The following MCTP1 variants were observed in gnomAD, a reference collection of about 807,000 sequenced individuals.
MCTP1 encodes multiple C2 and transmembrane domain-containing protein 1.
In MCTP1, 69 loss-of-function variants were observed where a neutral mutation model predicts 120.6. That is an observed-to-expected ratio of 0.57 (90% CI 0.47 to 0.70). The LOEUF (loss-of-function observed/expected upper bound fraction) is 0.70, where lower values mean the gene tolerates loss of function less well. MCTP1 is among the 30% of genes least tolerant of loss of function. The pLI, the probability that MCTP1 is intolerant of heterozygous loss-of-function variation, is 0.00. For synonymous variants in MCTP1, 529 were observed against 493.1 expected, an observed-to-expected ratio of 1.07 and a Z score of -0.96; for missense variants, 1,203 against 1,248.8, an observed-to-expected ratio of 0.96 and a Z score of 0.55.
chr5:94,861,651 A>G (rs1320226580), intron 17 of MCTP1, among the ~76,000 whole-genome samples: 5 of 151,822 alleles, frequency 3.3e-5, no homozygotes, highest in Non-Finnish European at 7.4e-5. Flanking sequence ...ATGGCTTGCC[A>G]ATTTGCTCAG....
chr5:94,920,758 TAAATAAATA>T lies in MCTP1; in HGVS notation c.1273-2794_1273-2786del, dbSNP rs747462036. 1.8e-3 allele frequency among the ~76,000 whole-genome samples: 262 copies of T among 149,324 alleles called. 3 individuals are homozygous for T. The highest frequency in any genetic ancestry group is 0.012 in the South Asian group (59 of 4,764). Reference sequence around the variant, plus strand: ...TTCCGTCTCAAAATAAATAAATAAATAAATAAATAAATAAATAAATAAATAAATAATAAA... The same window carrying T: ...TTCCGTCTCAAAATAAATAAATAAATAATAAATAAATAAATAAATAATAAA... On this transcript the variant is annotated intron_variant, in intron 7 of 22. Transcript: ENST00000515393.
intron 2 of MCTP1, among the ~76,000 whole-genome samples, chr5:94,970,922 A>T (rs1390948592): frequency 6.6e-6 from 1 of 151,924 alleles, no homozygotes; most frequent in Non-Finnish European, 1.5e-5. Flanking sequence ...AACTTTTAAA[A>T]ATTCATCAAT....
intron 7 of MCTP1, among the ~76,000 whole-genome samples, chr5:94,919,679 C>T (rs909030360): frequency 3.3e-5 from 5 of 152,094 alleles, no homozygotes; most frequent in African/African-American, 9.7e-5. Flanking sequence ...ATAATGACAG[C>T]CTAGAATGAC....
intron 1 of MCTP1, among the ~76,000 whole-genome samples, chr5:95,170,092 G>A (rs1747038768): frequency 6.6e-6 from 1 of 152,174 alleles, no homozygotes; most frequent in Non-Finnish European, 1.5e-5. Flanking sequence ...ATGTGTCCCA[G>A]AGATTCTGGT....
intron 1 of MCTP1, among the ~76,000 whole-genome samples, chr5:95,035,676 T>A (rs909194203): frequency 1.3e-5 from 2 of 152,232 alleles, no homozygotes; most frequent in Admixed American, 1.3e-4. Context: ...TATTATACAA[T>A]ACAATCATGT....
chr5:94,844,760 C>T (rs192497131), intron 17 of MCTP1, among the ~76,000 whole-genome samples: 26 of 152,322 alleles, frequency 1.7e-4, no homozygotes, highest in African/African-American at 6.0e-4. Context: ...TAGATCTTCA[C>T]TATTTCTTTC....
At chr5:94,871,462 AAAC>A (rs770512882) in intron 13 of MCTP1, 45 bp from the exon 14 acceptor site, 52 of 1,324,624 alleles carry the variant, frequency 3.9e-5, no homozygotes, top group South Asian at 3.5e-4. Context: ...CATCAGTAGG[AAAC>A]AACAACAAGA....
intron 19 of MCTP1, among the ~76,000 whole-genome samples, chr5:94,746,201 G>A (rs1270107114): frequency 6.6e-6 from 1 of 152,188 alleles, no homozygotes; most frequent in East Asian, 1.9e-4. Flanking sequence ...TCTTCCATTA[G>A]CAAGGGAAAA....
chr5:95,063,688 C>T (rs1749856424), intron 1 of MCTP1, among the ~76,000 whole-genome samples: 1 of 152,204 alleles, frequency 6.6e-6, no homozygotes, highest in Non-Finnish European at 1.5e-5. Flanking sequence ...TTTAACCTCC[C>T]TGGATGCGAG....
chr5:95,248,672 T>C (rs1251002006), intron 1 of MCTP1, among the ~76,000 whole-genome samples: 1 of 152,128 alleles, frequency 6.6e-6, no homozygotes, highest in African/African-American at 2.4e-5. Context: ...AAAACTACTT[T>C]AAAATTCAGA....
chr5:95,032,098 C>T (rs560945905), intron 1 of MCTP1, among the ~76,000 whole-genome samples: 63 of 152,178 alleles, frequency 4.1e-4, no homozygotes, highest in African/African-American at 1.4e-3. Flanking sequence ...AAAACAAATA[C>T]TGCTAGACCT....
At chr5:94,897,182 G>A (rs1384455870) in intron 10 of MCTP1, among the ~76,000 whole-genome samples, 1 of 150,694 alleles carries the variant, frequency 6.6e-6, no homozygotes, top group Non-Finnish European at 1.5e-5. Context: ...TCCCACTTCA[G>A]CCTCCAGGTA....
In MCTP1 at chr5:95,153,014, C is replaced by G. The variant is rs867138168; in HGVS notation, c.720+130842G>C. Among the ~76,000 whole-genome samples the G allele has an allele frequency of 3.3e-5, 5 of 152,264 alleles. 1 individual carries two copies. Among genetic ancestry groups the G allele is most frequent in the Middle Eastern group, 6.8e-3 (2 of 294 alleles). Reference sequence around the variant, plus strand: ...TCCATTGACCAGGGAGAAAAGAAAACATAGTCAGTCTCCTTAGCCAACAAT... The same window carrying G: ...TCCATTGACCAGGGAGAAAAGAAAAGATAGTCAGTCTCCTTAGCCAACAAT... On this transcript the variant is annotated intron_variant, in intron 1 of 22. Transcript: ENST00000515393.
At chr5:95,079,979 A>G (rs1373951331) in intron 1 of MCTP1, among the ~76,000 whole-genome samples, 1 of 152,188 alleles carries the variant, frequency 6.6e-6, no homozygotes, top group Non-Finnish European at 1.5e-5. Context: ...AAAAGAGTAC[A>G]GTTATATAAA....
At chr5:95,191,345 A>C (rs1749808271) in intron 1 of MCTP1, among the ~76,000 whole-genome samples, 2 of 152,042 alleles carry the variant, frequency 1.3e-5, no homozygotes, top group African/African-American at 4.8e-5. Context: ...TTTTTTAAAA[A>C]GAAACTTCTT....
chr5:95,044,924 A>G (rs1001577861), intron 1 of MCTP1, among the ~76,000 whole-genome samples: 2 of 152,066 alleles, frequency 1.3e-5, no homozygotes, highest in African/African-American at 4.8e-5. Context: ...GTCTCCCACA[A>G]GCAGCTGAAG....
intron 1 of MCTP1, among the ~76,000 whole-genome samples, chr5:95,128,366 T>C (rs1758786975): frequency 6.6e-6 from 1 of 152,204 alleles, no homozygotes; most frequent in Admixed American, 6.5e-5. Flanking sequence ...CACAAAACTG[T>C]ACATAAACAT....
chr5:94,970,693 A>G (rs1196238205), intron 2 of MCTP1, among the ~76,000 whole-genome samples: 2 of 152,076 alleles, frequency 1.3e-5, no homozygotes, highest in East Asian at 3.9e-4. Flanking sequence ...ATTTTTCCTG[A>G]GAATTCTGCT....
At chr5:94,921,715 G>A (rs890892837) in intron 7 of MCTP1, among the ~76,000 whole-genome samples, 2 of 152,126 alleles carry the variant, frequency 1.3e-5, no homozygotes, top group African/African-American at 2.4e-5. Flanking sequence ...AGTAGACTTG[G>A]TCACTGATTT....
Sources: allele counts gnomAD v4.1 joint callset (sites outside exome capture counted in the v4.1 genomes callset), GRCh38; gene constraint gnomAD v4.1.1; transcripts MANE v1.5; gene names NCBI Gene and HGNC (gene_info 2026-07-23, HGNC 2026-07-21).